KAZN: variants seen among roughly 807,000 people sequenced by gnomAD.
KAZN encodes kazrin, periplakin interacting protein, also known as kazrin.
In KAZN, 40 loss-of-function variants were observed where a neutral mutation model predicts 87.4. The observed-to-expected ratio is 0.46, with a 90% CI of 0.36 to 0.60. KAZN has a LOEUF of 0.60. KAZN is among the 20% of genes least tolerant of loss of function. The pLI, the probability that KAZN is intolerant of heterozygous loss-of-function variation, is 0.00. For synonymous variants in KAZN, 466 were observed against 458.3 expected (o/e 1.02, Z -0.22); for missense variants, 898 against 1,073.9 (o/e 0.84, Z 2.29).
intron 2 of KAZN, among the ~76,000 whole-genome samples, chr1:14,533,545 C>T (rs915240332): frequency 9.9e-5 from 15 of 152,146 alleles, no homozygotes; most frequent in Admixed American, 3.3e-4. Context: ...ATGATTGTGT[C>T]GGCAACAGGA....
At chr1:14,694,573 T>C (rs1641495808) in intron 1 of KAZN, among the ~76,000 whole-genome samples, 1 of 152,180 alleles carries the variant, frequency 6.6e-6, no homozygotes, top group Admixed American at 6.5e-5. Flanking sequence ...AATCTTCTGC[T>C]CTTATCAAAT....
chr1:14,364,432 C>A (rs1292232943), intron 2 of KAZN, among the ~76,000 whole-genome samples: 2 of 152,200 alleles, frequency 1.3e-5, no homozygotes, highest in South Asian at 4.2e-4. Flanking sequence ...CTGGCACACA[C>A]AATACATTTC....
intron 1 of KAZN, among the ~76,000 whole-genome samples, chr1:14,940,898 C>CTTTT (rs66777443): frequency 0.011 from 590 of 54,404 alleles, 7 homozygotes; most frequent in Non-Finnish European, 0.015. Context: ...TTCTACCTTT[C>CTTTT]TTTTTTTTTT....
intron 2 of KAZN, among the ~76,000 whole-genome samples, chr1:14,480,645 A>ATT (rs1184211967): frequency 1.4e-5 from 2 of 144,692 alleles, no homozygotes; most frequent in African/African-American, 5.0e-5. Context: ...TATGTATTAT[A>ATT]ATATATAATA....
chr1:14,400,707 T>C (rs771740858), intron 2 of KAZN, among the ~76,000 whole-genome samples: 6 of 152,198 alleles, frequency 3.9e-5, no homozygotes, highest in Non-Finnish European at 7.3e-5. Flanking sequence ...ATAACCATTG[T>C]TGCCTAGCTG....
intron 2 of KAZN, among the ~76,000 whole-genome samples, chr1:14,549,334 C>A (rs1486722475): frequency 6.6e-6 from 1 of 152,178 alleles, no homozygotes; most frequent in Non-Finnish European, 1.5e-5. Flanking sequence ...AGTCTCCCTG[C>A]AGCTGGGAGA....
chr1:14,400,253 C>CT, intron 2 of KAZN, among the ~76,000 whole-genome samples: 1 of 152,276 alleles, frequency 6.6e-6, no homozygotes, highest in South Asian at 2.1e-4. Flanking sequence ...CTCAACATCT[C>CT]TAAGAGCAAT....
At chr1:14,421,123 A>G (rs1156292338) in intron 2 of KAZN, among the ~76,000 whole-genome samples, 2 of 152,262 alleles carry the variant, frequency 1.3e-5, no homozygotes, top group African/African-American at 4.8e-5. Flanking sequence ...GGTTATAGCT[A>G]GAGCTACTAC....
At chr1:14,739,146 CCAGCATGGG>C (rs1267947498) in intron 1 of KAZN, among the ~76,000 whole-genome samples, 2 of 152,152 alleles carry the variant, frequency 1.3e-5, no homozygotes, top group East Asian at 3.9e-4. Context: ...CCACGGCACT[CCAGCATGGG>C]CAACAGAGTG....
intron 1 of KAZN, among the ~76,000 whole-genome samples, chr1:13,915,458 T>C (rs531999498): frequency 6.6e-6 from 1 of 152,352 alleles, no homozygotes; most frequent in East Asian, 1.9e-4. Context: ...ATAGCAAAAA[T>C]GCTTGGGCAC....
At chr1:14,257,603 G>T (rs1371645743) in intron 2 of KAZN, among the ~76,000 whole-genome samples, 1 of 146,608 alleles carries the variant, frequency 6.8e-6, no homozygotes, top group Non-Finnish European at 1.5e-5. Context: ...TATGGTTTTA[G>T]GTCTAACGTT....
intron 2 of KAZN, among the ~76,000 whole-genome samples, chr1:14,588,729 TTTC>T (rs1366436783): frequency 6.6e-6 from 1 of 152,224 alleles, no homozygotes; most frequent in Admixed American, 6.5e-5. Flanking sequence ...TGGATCTGTC[TTTC>T]TTTTCTTCCC....
chr1:15,066,303 GC>G lies in KAZN; in HGVS notation c.1222+551del. 1 of 985,932 alleles carries G rather than the reference GC, an allele frequency of 1.0e-6. No individual in the cohort carries two copies. Among genetic ancestry groups the G allele is most frequent in the East Asian group, 1.1e-4 (1 of 8,814 alleles). 61.1% of individuals were successfully genotyped at this position (985,932 alleles called of 1,614,324 possible). A position where few individuals can be genotyped will look rare whatever the true frequency, so the allele number is the denominator to read the frequency against. ...AACCGCTACTCCTGGAGCCCGTCTG[GC>G]AGAGGATGTGGTCTGTTTTTGATGT... On this transcript the variant is annotated intron_variant, in intron 8 of 14. Transcript: ENST00000376030. The surrounding 1 kb of genome is among the most constrained non-coding windows in gnomAD (Gnocchi z 4.3).
upstream of KAZN, among the ~76,000 whole-genome samples, chr1:14,594,298 T>C (rs1384489631): frequency 2.0e-5 from 3 of 152,212 alleles, no homozygotes; most frequent in African/African-American, 7.2e-5. Flanking sequence ...GTTAGGCCCT[T>C]AGCCTTGATT....
chr1:14,867,724 A>ACCCCCCC (rs1553148134), intron 1 of KAZN, among the ~76,000 whole-genome samples: 425 of 107,436 alleles, frequency 4.0e-3, no homozygotes, highest in Non-Finnish European at 4.7e-3. Flanking sequence ...CTTTGAAGAC[A>ACCCCCCC]CCCCCCCCCC....
intron 1 of KAZN, among the ~76,000 whole-genome samples, chr1:14,910,522 A>C (rs2690012): frequency 0.87 from 132,454 of 152,158 alleles, 57,934 homozygotes; most frequent in Non-Finnish European, 0.91. Context: ...GTGTGACCAA[A>C]AAAATGTCTC....
chr1:13,936,111 T>TTTTTTTTTTTTA (rs1640730209), intron 1 of KAZN, among the ~76,000 whole-genome samples: 3 of 145,006 alleles, frequency 2.1e-5, no homozygotes, highest in Non-Finnish European at 3.0e-5. Context: ...TTTTTTTTTT[T>TTTTTTTTTTTTA]GAGACAGAGT....
chr1:14,096,383 G>T (rs186226166), intron 1 of KAZN, among the ~76,000 whole-genome samples: 2 of 152,116 alleles, frequency 1.3e-5, no homozygotes, highest in Non-Finnish European at 2.9e-5. Flanking sequence ...AGCACCTCCC[G>T]GGGGCTTAAG....
intron 2 of KAZN, among the ~76,000 whole-genome samples, chr1:14,485,429 A>T (rs1429229525): frequency 2.6e-5 from 4 of 152,188 alleles, no homozygotes; most frequent in African/African-American, 9.7e-5. Context: ...ACTAGCTACA[A>T]CAGGGCCAGG....
Sources: allele counts gnomAD v4.1 joint callset (sites outside exome capture counted in the v4.1 genomes callset), GRCh38; gene constraint gnomAD v4.1.1; non-coding constraint Gnocchi (gnomAD v3.1); transcripts MANE v1.5; gene names NCBI Gene and HGNC (gene_info 2026-07-23, HGNC 2026-07-21).